Variants in FLT4 observed in about 807,000 individuals in gnomAD.
FLT4 encodes the protein vascular endothelial growth factor receptor 3.
In FLT4, 30 loss-of-function variants were observed where a neutral mutation model predicts 163.2. The ratio of observed to expected loss-of-function variants is 0.18; its 90% CI spans 0.14 to 0.25. The LOEUF (loss-of-function observed/expected upper bound fraction) is 0.25. FLT4 is among the 10% of genes least tolerant of loss of function. FLT4 has a pLI of 1.00. For missense variants in FLT4, 1,510 were observed against 1,863.8 expected (o/e 0.81, Z 3.50); for synonymous variants, 884 against 789.5 (o/e 1.12, Z -2.01).
rs535475894 is a variant in FLT4, at chr5:180,605,768, T to C, written c.3894-2378A>G. Among the ~76,000 whole-genome samples the C allele has an allele frequency of 3.9e-5, 6 of 152,330 alleles. No individual in the cohort carries two copies. In the South Asian group the frequency reaches 1.2e-3, roughly 32 times the overall value. ...CAGAAGAGCTAGGCCCTCCACTGGC[T>C]GCACGCAGCCATGCTGAGTGACCAC... On this transcript the variant is annotated intron_variant, in intron 29 of 29. Transcript: ENST00000261937.
chr5:180,629,229 G>T lies in FLT4; in HGVS notation c.985+30C>A, dbSNP rs1274750757. On this transcript the variant is annotated intron_variant, in intron 7 of 29. Coordinates refer to ENST00000261937, the MANE Select transcript of FLT4 (RefSeq NM_182925.5). ...TGAGCTCTGGGCCCAGGCCCACAGGGCACAAGGACCCTGGTTTCCCAGGCC... is the reference window on the plus strand; with the variant it reads ...TGAGCTCTGGGCCCAGGCCCACAGGTCACAAGGACCCTGGTTTCCCAGGCC... 1.9e-6 allele frequency: 3 copies of T among 1,611,782 alleles called. No individual in the cohort carries two copies. The Admixed American group carries it at 5.0e-5, about 27-fold the overall frequency.
At chr5:180,618,358 C>A (rs1762831040) in intron 21 of FLT4, among the ~76,000 whole-genome samples, 1 of 93,182 alleles carries the variant, frequency 1.1e-5, no homozygotes, top group African/African-American at 4.0e-5. Flanking sequence ...TGCCCCTCAG[C>A]CTCTGGGACA....
In FLT4 at chr5:180,630,908, T is replaced by C. The variant is rs1581680270; in HGVS notation, c.156-109A>G. 3.7e-6 allele frequency: 5 copies of C among 1,333,700 alleles called. No homozygotes were observed. The highest frequency in any genetic ancestry group is 2.4e-5 in the Admixed American group (1 of 41,872). The allele number at this position is 1,333,700 out of a possible 1,614,324, so 82.6% of individuals were successfully genotyped here. A position where few individuals can be genotyped will look rare whatever the true frequency, so the allele number is the denominator to read the frequency against. ...CACCAGGTTTGTCTTACCCAGAGCA[T>C]GGAACTGCCCAGGGTTTGGGCGCAC... On this transcript the variant is annotated intron_variant, in intron 2 of 29. Transcript: ENST00000261937. This position sits in a 1 kb window ranked among gnomAD's most constrained non-coding sequence, Gnocchi z 6.3.
chr5:180,616,271 C>T, intron 23 of FLT4, 96 bp downstream of exon 23: 1 of 1,550,726 alleles, frequency 6.4e-7, no homozygotes, highest in Non-Finnish European at 8.9e-7. Flanking sequence ...TCACCTCACC[C>T]TGTGCCAGCC....
At chr5:180,614,728 C>T (rs1423636579) in intron 23 of FLT4, among the ~76,000 whole-genome samples, 1 of 152,124 alleles carries the variant, frequency 6.6e-6, no homozygotes, top group Non-Finnish European at 1.5e-5. Flanking sequence ...CCCCAGCACC[C>T]CCACTCCCCT....
Position 180,630,434 on chromosome 5 carries a change from C to A in FLT4, c.401-97G>T. The A allele has an allele frequency of 6.4e-7, 1 of 1,558,650 alleles. No individual in the cohort carries two copies. Among genetic ancestry groups the A allele is most frequent in the Admixed American group, 1.7e-5 (1 of 57,858 alleles). ...GTGGTGCTGGTCCTGAACCAGCCAC[C>A]CGCTGGAGCAGGTAGGGCCCCGTTC... On this transcript the variant is annotated intron_variant, in intron 3 of 29. Transcript: ENST00000261937. The surrounding 1 kb of genome is among the most constrained non-coding windows in gnomAD (Gnocchi z 6.3).
rs1234149454 is a variant in FLT4, at chr5:180,620,790, G to A, written c.2300-75C>T. ...TGCACCTGCAGGCAGCACCCCTTCT[G>A]GTGGCCACGACTTGCCCAAGGTGGC... On this transcript the variant is annotated intron_variant, in intron 15 of 29. Transcript: ENST00000261937. The surrounding 1 kb of genome is among the most constrained non-coding windows in gnomAD (Gnocchi z 4.4). 5 of 1,599,834 alleles carry A rather than the reference G, an allele frequency of 3.1e-6. No individual in the cohort carries two copies. The African/African-American group carries it at 6.7e-5, about 21-fold the overall frequency.
In FLT4 at chr5:180,609,014, C is replaced by T. The variant is rs761503019; in HGVS notation, c.3847G>A (p.Glu1283Lys). The T allele has an allele frequency of 1.9e-6, 3 of 1,614,120 alleles. No homozygotes were observed. Among genetic ancestry groups the T allele is most frequent in the African/African-American group, 1.3e-5 (1 of 74,946 alleles). Residue 1283 changes from glutamate (E) to lysine (K), a missense_variant, in exon 29 of 30, where the codon GAG becomes AAG. Physicochemically the swap from Glu to Lys is moderately conservative, Grantham distance 56. Around this residue, in one of 5 missense-constraint regions of FLT4, gnomAD observed 295 missense variants for 311.0 expected, o/e 0.95. Coordinates refer to ENST00000261937, the MANE Select transcript of FLT4 (RefSeq NM_182925.5). The part of the protein sequence containing the change: ...TDSGMVLASE[E>K]FEQIESRHRQ... ...TGCCTGCTCTCTATCTGCTCAAACT[C>T]CTCCGAGGCCAGCACCATCCCACTG...
At position 180,647,335 on chromosome 5, in the gene FLT4, AGCTTGTGCCATGGCTAT is replaced by A. The variant is rs948409135; in HGVS notation, c.58+2136_58+2152del. Among the ~76,000 whole-genome samples the A allele has an allele frequency of 1.1e-3, 160 of 152,158 alleles. 1 individual carries two copies. The highest frequency in any genetic ancestry group is 2.2e-3 in the Admixed American group (33 of 15,286). On this transcript the variant is annotated intron_variant, in intron 1 of 29. Transcript: ENST00000261937. Reference sequence around the variant, plus strand: ...AACCCACACAACCTCGGGGCTTGCCAGCTTGTGCCATGGCTATGCTTGTGCCATGGCTATGCTTGTGC... The same window carrying A: ...AACCCACACAACCTCGGGGCTTGCCAGCTTGTGCCATGGCTATGCTTGTGC...
At chr5:180,619,617 G>A in intron 18 of FLT4, 48 bp downstream of exon 18, 1 of 1,464,134 alleles carries the variant, frequency 6.8e-7, no homozygotes, top group Non-Finnish European at 9.6e-7. Context: ...ACCCCGAGCT[G>A]CTGCTCCTCA....
chr5:180,640,400 C>T (rs894023933), intron 1 of FLT4, among the ~76,000 whole-genome samples: 8 of 152,308 alleles, frequency 5.3e-5, no homozygotes, highest in South Asian at 2.1e-4. Context: ...CTCCAAAGGC[C>T]GGGGGCAGAG....
At chr5:180,624,107 G>A (rs1763407045) in intron 10 of FLT4, 46 bp from the exon 11 acceptor site, 2 of 1,605,148 alleles carry the variant, frequency 1.2e-6, no homozygotes, top group Non-Finnish European at 1.7e-6. Flanking sequence ...ATACAGGCAG[G>A]AAGGGCCCAC....
chr5:180,647,583 G>A (rs867285823), intron 1 of FLT4, among the ~76,000 whole-genome samples: 55 of 151,722 alleles, frequency 3.6e-4, no homozygotes, highest in African/African-American at 1.2e-3. Flanking sequence ...AGCTCCCACC[G>A]GACCAGCTGC....
rs762788598 is a variant in FLT4 at position 180,630,375 on chromosome 5, G to A, written c.401-38C>T. ...AGCAAGCTGTTGGGGAAGGGACGTG[G>A]CGGCCAGGCTGGGGGAGGGCTCCAC... On this transcript the variant is annotated intron_variant, in intron 3 of 29. Transcript: ENST00000261937. The surrounding 1 kb of genome is among the most constrained non-coding windows in gnomAD (Gnocchi z 6.3). 6.3e-7 allele frequency: 1 copy of A among 1,589,238 alleles called. No individual in the cohort carries two copies. Among genetic ancestry groups the A allele is most frequent in the South Asian group, 1.1e-5 (1 of 90,720 alleles).
In FLT4 at chr5:180,603,009, G is replaced by T; in HGVS notation, c.*183C>A. 1.5e-6 allele frequency: 1 copy of T among 648,420 alleles called. No homozygotes were observed. Among genetic ancestry groups the T allele is most frequent in the Non-Finnish European group, 2.7e-6 (1 of 369,248 alleles). 40.2% of individuals were successfully genotyped at this position (648,420 alleles called of 1,614,324 possible). A position where few individuals can be genotyped will look rare whatever the true frequency, so the allele number is the denominator to read the frequency against. ...CGTGGCCCTGGCCAGTCGTGGTGAC[G>T]GAATTCCGGGAGCCTTGGGCCTGGA... On this transcript the variant is annotated 3_prime_UTR_variant, in exon 30 of 30. Coordinates refer to ENST00000261937, the MANE Select transcript of FLT4 (RefSeq NM_182925.5).
At position 180,649,534 on chromosome 5, in the gene FLT4, G is replaced by C; in HGVS notation, c.12C>G (p.Gly4=). 1 of 1,439,958 alleles carries C rather than the reference G, an allele frequency of 6.9e-7. No homozygotes were observed. Among genetic ancestry groups the C allele is most frequent in the Non-Finnish European group, 9.1e-7 (1 of 1,096,648 alleles). 89.2% of individuals were successfully genotyped at this position (1,439,958 alleles called of 1,614,324 possible). MQR[G]AALCLRLWLC... is the part of the protein sequence containing the mutation. ...GCCACAGTCGCAGGCACAGCGCGGC[G>C]CCCCGCTGCATCTCCGGCCGCTGCG... Residue 4 remains glycine, a synonymous_variant, in exon 1 of 30, where the codon GGC becomes GGG. Transcript: ENST00000261937.
chr5:180,648,237 G>T (rs555598132), intron 1 of FLT4, among the ~76,000 whole-genome samples: 19 of 152,184 alleles, frequency 1.2e-4, no homozygotes, highest in Non-Finnish European at 2.6e-4. Flanking sequence ...CGACTCGGAG[G>T]CCCAGATAGA....
At chr5:180,616,291 C>T in intron 23 of FLT4, 76 bp downstream of exon 23, 2 of 1,599,478 alleles carry the variant, frequency 1.3e-6, no homozygotes, top group Non-Finnish European at 8.6e-7. Context: ...CCTCCCTCTC[C>T]TGGACAGGCA....
chr5:180,620,103 C>T lies in FLT4; in HGVS notation c.2542+70G>A. ...TGCAAGTTTTGAAAATGGAGGGATT[C>T]AGGCACTCCGGCCTGCAGCAGGTGG... On this transcript the variant is annotated intron_variant, in intron 17 of 29. Transcript: ENST00000261937. The surrounding 1 kb of genome is among the most constrained non-coding windows in gnomAD (Gnocchi z 4.4). 6.4e-7 allele frequency: 1 copy of T among 1,553,858 alleles called. No homozygotes were observed. The highest frequency in any genetic ancestry group is 1.2e-5 in the South Asian group (1 of 85,900).
Sources: allele counts gnomAD v4.1 joint callset (sites outside exome capture counted in the v4.1 genomes callset), GRCh38; gene constraint gnomAD v4.1.1; regional missense constraint gnomAD v4.1.1; non-coding constraint Gnocchi (gnomAD v3.1); transcripts MANE v1.5; gene names NCBI Gene and HGNC (gene_info 2026-07-23, HGNC 2026-07-21).